Variants in RAE1 observed in about 807,000 individuals in gnomAD.
RAE1 encodes the protein ribonucleic acid export 1.
In RAE1, 13 loss-of-function variants were observed where a neutral mutation model predicts 52.7. The ratio of observed to expected loss-of-function variants is 0.25; its 90% CI spans 0.16 to 0.39. RAE1 has a LOEUF of 0.39. RAE1 is among the 10% of genes least tolerant of loss of function. The pLI, the probability that RAE1 is intolerant of heterozygous loss-of-function variation, is 1.00. For missense variants in RAE1, 262 were observed against 459.8 expected (o/e 0.57, Z 3.93); for synonymous variants, 164 against 153.1 (o/e 1.07, Z -0.52).
chr20:57,372,528 A>G (rs1295356310), intron 8 of RAE1: 1 of 152,256 alleles, frequency 6.6e-6, no homozygotes, highest in Non-Finnish European at 1.5e-5. Flanking sequence ...CTTTTCTGTC[A>G]TCTAAGAACT....
chr20:57,356,270 C>T (rs1022693397), intron 3 of RAE1, among the ~76,000 whole-genome samples, 176 bp from the exon 4 acceptor site: 9 of 152,064 alleles, frequency 5.9e-5, no homozygotes, highest in African/African-American at 1.7e-4. Flanking sequence ...ATAGCTTAGG[C>T]GAAGAAAACA....
At chr20:57,357,754 G>C (rs1370463034) in intron 4 of RAE1, 1 of 151,438 alleles carries the variant, frequency 6.6e-6, no homozygotes, top group Non-Finnish European at 1.5e-5. Context: ...GTTGAAGCCT[G>C]AGACTAACTC....
At chr20:57,370,627 A>G (rs2067022781) in intron 8 of RAE1, among the ~76,000 whole-genome samples, 1 of 152,204 alleles carries the variant, frequency 6.6e-6, no homozygotes, top group African/African-American at 2.4e-5. Flanking sequence ...ACCCAAGACT[A>G]CATTCTGTAG....
Position 57,354,043 on chromosome 20 carries a change from G to A in RAE1, c.5G>A (p.Ser2Asn), listed in dbSNP as rs769513933. 1 of 1,613,302 alleles carries A rather than the reference G, an allele frequency of 6.2e-7. No homozygotes were observed. Among genetic ancestry groups the A allele is most frequent in the African/African-American group, 1.3e-5 (1 of 74,994 alleles). M[S>N]LFGTTSGFGT... ...TCATTACTTTTTAGGTTCAAAATGA[G>A]CCTGTTTGGAACAACCTCAGGTTTT... The change falls in exon 2 of 12, where the codon AGC becomes AAC. Residue 2 changes from serine to asparagine, a missense_variant. Coordinates refer to ENST00000395841, the MANE Select transcript of RAE1 (RefSeq NM_003610.4).
chr20:57,362,255 G>A (rs1320495509), intron 4 of RAE1, among the ~76,000 whole-genome samples: 2 of 152,166 alleles, frequency 1.3e-5, no homozygotes, highest in African/African-American at 4.8e-5. Context: ...AGGGGCCACA[G>A]TTGCTCCCAT....
Position 57,374,135 on chromosome 20 carries a change from C to T in RAE1, c.825+397C>T, listed in dbSNP as rs569792185. 2.6e-5 allele frequency among the ~76,000 whole-genome samples: 4 copies of T among 152,352 alleles called. No individual in the cohort carries two copies. The South Asian group carries it at 6.2e-4, about 24-fold the overall frequency. On this transcript the variant is annotated intron_variant, in intron 10 of 11. Transcript: ENST00000395841. ...GACCTTGTGATTTGCCCGCCTCGGC[C>T]TCCCAAAGTGCTGGGATTACAGGCG...
chr20:57,353,868 G>A (rs1483546244), intron 1 of RAE1, among the ~76,000 whole-genome samples, 164 bp from the exon 2 acceptor site: 5 of 152,194 alleles, frequency 3.3e-5, no homozygotes, highest in Non-Finnish European at 7.3e-5. Flanking sequence ...AAAATAGAAG[G>A]TTTATGTTTT....
At chr20:57,377,542 G>T (rs1331637576) in intron 11 of RAE1, among the ~76,000 whole-genome samples, 1 of 152,134 alleles carries the variant, frequency 6.6e-6, no homozygotes, top group Non-Finnish European at 1.5e-5. Flanking sequence ...CACGCCTCTG[G>T]CTCACTCACC....
chr20:57,374,864 A>G (rs754343224), intron 11 of RAE1, 63 bp downstream of exon 11: 5 of 1,577,162 alleles, frequency 3.2e-6, no homozygotes, highest in Non-Finnish European at 4.4e-6. Context: ...TGGGTTCAGA[A>G]GGCCTAGGCC....
intron 3 of RAE1, 104 bp downstream of exon 3, chr20:57,354,920 T>C (rs1347376870): frequency 1.1e-5 from 9 of 804,302 alleles, no homozygotes; most frequent in Admixed American, 3.6e-5. Context: ...GTTGGACTTA[T>C]TTATGGCCTT....
chr20:57,355,892 A>G (rs1037359082), intron 3 of RAE1, among the ~76,000 whole-genome samples: 3 of 152,216 alleles, frequency 2.0e-5, no homozygotes, highest in African/African-American at 7.2e-5. Context: ...TGAACAGGCT[A>G]GTGATGCAGG....
At chr20:57,353,121 G>C (rs1185048661) in intron 1 of RAE1, among the ~76,000 whole-genome samples, 1 of 152,212 alleles carries the variant, frequency 6.6e-6, no homozygotes, top group African/African-American at 2.4e-5. Flanking sequence ...GAGGTGACTG[G>C]TATGGAGGAC....
At chr20:57,362,294 T>C (rs2066901520) in intron 4 of RAE1, among the ~76,000 whole-genome samples, 1 of 152,238 alleles carries the variant, frequency 6.6e-6, no homozygotes, top group African/African-American at 2.4e-5. Flanking sequence ...TCAGCTTCTC[T>C]GAGGCATTTT....
chr20:57,368,810 C>G lies in RAE1; in HGVS notation c.640C>G (p.Gln214Glu), dbSNP rs555997776. 1 of 1,606,192 alleles carries G rather than the reference C, an allele frequency of 6.2e-7. No homozygotes were observed. The highest frequency in any genetic ancestry group is 1.3e-5 in the African/African-American group (1 of 74,922). ...FRRIESPLKH[Q>E]HRCVAIFKDK... ...GAGGATAGAATCTCCACTGAAACAT[C>G]AGGTGCGTCATTAGTCAAATCAAGA... is the stretch of plus-strand genomic sequence containing the variant. The change falls in exon 8 of 12, where the codon CAG (glutamine) becomes GAG (glutamate). Residue 214 changes from glutamine to glutamate, a missense_variant and splice_region_variant. Gln to Glu is a conservative substitution (Grantham distance 29, BLOSUM62 2). Transcript: ENST00000395841.
intron 4 of RAE1, among the ~76,000 whole-genome samples, chr20:57,364,083 TGTAG>T (rs2066923420): frequency 6.6e-6 from 1 of 152,112 alleles, no homozygotes; most frequent in Admixed American, 6.5e-5. Context: ...GAGAAAGACA[TGTAG>T]GTAAAGGCAC....
At chr20:57,352,143 C>A (rs749769751) in intron 1 of RAE1, 2 of 201,884 alleles carry the variant, frequency 9.9e-6, no homozygotes, top group Non-Finnish European at 1.7e-5. Flanking sequence ...AAAAAGAATA[C>A]GTGTGACAGC....
At chr20:57,367,173 T>C in intron 7 of RAE1, 94 bp downstream of exon 7, 2 of 1,108,222 alleles carry the variant, frequency 1.8e-6, no homozygotes, top group South Asian at 3.1e-5. Context: ...GAGTGGATAA[T>C]ATAAAAATCC....
chr20:57,358,706 T>A (rs926807584), intron 4 of RAE1: 3 of 297,498 alleles, frequency 1.0e-5, no homozygotes, highest in African/African-American at 2.2e-5. Flanking sequence ...GTAAACTCTA[T>A]TGTCGATATG....
At chr20:57,375,039 G>A (rs776064581) in intron 11 of RAE1, 37 of 706,132 alleles carry the variant, frequency 5.2e-5, no homozygotes, top group East Asian at 2.9e-4. Context: ...GAGCCATTAC[G>A]GGCTGCTCTG....
Sources: allele counts gnomAD v4.1 joint callset (sites outside exome capture counted in the v4.1 genomes callset), GRCh38; gene constraint gnomAD v4.1.1; transcripts MANE v1.5; gene names NCBI Gene and HGNC (gene_info 2026-07-23, HGNC 2026-07-21).